The following TMEM132B variants were observed in gnomAD, a reference collection of about 807,000 sequenced individuals.
The protein encoded by TMEM132B is transmembrane protein 132B.
In TMEM132B, 18 loss-of-function variants were observed where a neutral mutation model predicts 90.8. That is an observed-to-expected ratio of 0.20 (90% CI 0.14 to 0.29). The LOEUF (loss-of-function observed/expected upper bound fraction) is 0.29. TMEM132B is among the 10% of genes least tolerant of loss of function. The pLI is 1.00. For missense variants in TMEM132B, 1,096 were observed against 1,326.8 expected, an observed-to-expected ratio of 0.83 and a Z score of 2.70; for synonymous variants, 504 against 523.3, an observed-to-expected ratio of 0.96 and a Z score of 0.50.
In TMEM132B at chr12:125,662,317, G is replaced by A. The variant is rs965222167; in HGVS notation, c.*7607G>A. On this transcript the variant is annotated 3_prime_UTR_variant, in exon 9 of 9. Transcript: ENST00000682704. The stretch of plus-strand genomic sequence containing the variant: ...GTTCCACCGTATATTTAATGTCTCT[G>A]TAAAGGCACTTCCAAACATTTTGAA... 6.6e-6 allele frequency: 1 copy of A among 152,146 alleles called. No homozygotes were observed. Among genetic ancestry groups the A allele is most frequent in the African/African-American group, 2.4e-5 (1 of 41,412 alleles). 9.4% of individuals were successfully genotyped at this position (152,146 alleles called of 1,614,324 possible).
At chr12:125,562,718 A>G (rs1884563628) in intron 4 of TMEM132B, among the ~76,000 whole-genome samples, 1 of 152,096 alleles carries the variant, frequency 6.6e-6, no homozygotes, top group African/African-American at 2.4e-5. Context: ...CATGGTAGTG[A>G]ATAAGTCTCA....
chr12:125,283,490 T>C (rs1015458089), intron 1 of TMEM132B, among the ~76,000 whole-genome samples: 33 of 152,072 alleles, frequency 2.2e-4, no homozygotes, highest in African/African-American at 7.7e-4. Flanking sequence ...CTGTCCTTGA[T>C]AAAGGAACAG....
chr12:125,312,144 G>A (rs977267742), intron 1 of TMEM132B, among the ~76,000 whole-genome samples: 5 of 152,222 alleles, frequency 3.3e-5, no homozygotes, highest in Non-Finnish European at 7.3e-5. Flanking sequence ...TTTTTCAAGA[G>A]AAGCTGGAAA....
chr12:125,546,072 TAAAG>T (rs1210516357), intron 4 of TMEM132B, among the ~76,000 whole-genome samples: 2 of 152,100 alleles, frequency 1.3e-5, no homozygotes, highest in Non-Finnish European at 2.9e-5. Context: ...ACCACTAAAA[TAAAG>T]AAACAGAACA....
At chr12:125,594,951 G>T (rs931673431) in intron 5 of TMEM132B, among the ~76,000 whole-genome samples, 4 of 152,078 alleles carry the variant, frequency 2.6e-5, no homozygotes, top group African/African-American at 9.7e-5. Context: ...GTTGAGCTCA[G>T]TGTTCTCAGG....
At chr12:125,190,119 T>G (rs1957788113) in intron 1 of TMEM132B, among the ~76,000 whole-genome samples, 1 of 152,058 alleles carries the variant, frequency 6.6e-6, no homozygotes, top group Non-Finnish European at 1.5e-5. Context: ...GAAGGAGACT[T>G]GGGCACAGGG....
rs1325064469 is a variant in TMEM132B at position 125,330,333 on chromosome 12, C to CTTTCTTT, written c.68-19116_68-19115insCTTTTTT. Among the ~76,000 whole-genome samples the CTTTCTTT allele has an allele frequency of 1.7e-3, 214 of 124,454 alleles. 2 individuals carry two copies. The highest frequency in any genetic ancestry group is 5.5e-3 in the African/African-American group (195 of 35,376). 81.6% of individuals were successfully genotyped at this position (124,454 alleles called of 152,430 possible). A position where few individuals can be genotyped will look rare whatever the true frequency, so the allele number is the denominator to read the frequency against. On this transcript the variant is annotated intron_variant, in intron 1 of 8. Coordinates refer to ENST00000682704, the MANE Select transcript of TMEM132B (RefSeq NM_001366854.1). Reference sequence around the variant, plus strand: ...TAGTCGTGCTTTGTTTAAGGGGTTTCTTTTTTTTTTTTTTTTTTGCAGCCA... The same window carrying CTTTCTTT: ...TAGTCGTGCTTTGTTTAAGGGGTTTCTTTCTTTTTTTTTTTTTTTTTTTTTGCAGCCA...
At chr12:125,404,805 A>G (rs1251235710) in intron 2 of TMEM132B, among the ~76,000 whole-genome samples, 2 of 152,192 alleles carry the variant, frequency 1.3e-5, no homozygotes, top group Non-Finnish European at 2.9e-5. Context: ...GGGTGTATCC[A>G]GCTCTGCTAG....
chr12:125,214,725 C>T (rs1194703518), intron 1 of TMEM132B, among the ~76,000 whole-genome samples: 1 of 152,218 alleles, frequency 6.6e-6, no homozygotes, highest in African/African-American at 2.4e-5. Context: ...TTCCCAGTTG[C>T]CCTCTCCCAG....
intron 1 of TMEM132B, among the ~76,000 whole-genome samples, chr12:125,302,122 C>A (rs1233912552): frequency 1.3e-5 from 2 of 152,086 alleles, no homozygotes; most frequent in Non-Finnish European, 2.9e-5. Flanking sequence ...ATTGCTTGAA[C>A]CTGGGAGGCG....
intron 5 of TMEM132B, among the ~76,000 whole-genome samples, chr12:125,608,420 T>A (rs1885748811): frequency 6.6e-6 from 1 of 152,192 alleles, no homozygotes; most frequent in African/African-American, 2.4e-5. Context: ...AAAATTGAAT[T>A]ATCTTTTCAT....
rs140349780 is a variant in TMEM132B, at chr12:125,246,177, T to C, written c.67+59311T>C. Among the ~76,000 whole-genome samples the C allele has an allele frequency of 6.6e-6, 1 of 152,304 alleles. No individual in the cohort carries two copies. The highest frequency in any genetic ancestry group is 2.4e-5 in the African/African-American group (1 of 41,576). ...TCATGACAGTGATAGCTCTCAGTAT[T>C]GACTGGACTGGAGGTCGCTCTGTGC... On this transcript the variant is annotated intron_variant, in intron 1 of 8. Coordinates refer to ENST00000682704, the MANE Select transcript of TMEM132B (RefSeq NM_001366854.1). The surrounding 1 kb of genome is among the most constrained non-coding windows in gnomAD (Gnocchi z 4.2).
At chr12:125,353,833 G>C (rs910143699) in intron 2 of TMEM132B, among the ~76,000 whole-genome samples, 2 of 152,140 alleles carry the variant, frequency 1.3e-5, no homozygotes, top group African/African-American at 4.8e-5. Context: ...GACTAGAAGA[G>C]GACTCAACAT....
intron 1 of TMEM132B, among the ~76,000 whole-genome samples, chr12:125,313,127 C>T (rs1876161488): frequency 6.6e-6 from 1 of 152,176 alleles, no homozygotes; most frequent in South Asian, 2.1e-4. Flanking sequence ...GCTGCCTAAC[C>T]TTTCTGTGCC....
intron 1 of TMEM132B, among the ~76,000 whole-genome samples, chr12:125,238,933 C>T (rs753596674): frequency 1.3e-5 from 2 of 152,014 alleles, no homozygotes; most frequent in African/African-American, 4.8e-5. Flanking sequence ...TCTGATGTGG[C>T]GCCTGGAATA....
chr12:125,479,418 T>C (rs1232291116), intron 3 of TMEM132B, among the ~76,000 whole-genome samples: 7 of 152,196 alleles, frequency 4.6e-5, no homozygotes, highest in African/African-American at 1.7e-4. Flanking sequence ...TGGAGGAAGA[T>C]CTACTAAGCA....
intron 3 of TMEM132B, among the ~76,000 whole-genome samples, chr12:125,439,361 T>C (rs1880799109): frequency 6.6e-6 from 1 of 152,200 alleles, no homozygotes; most frequent in Non-Finnish European, 1.5e-5. Context: ...TGTTTTGTAA[T>C]TCTCATTGTA....
intron 1 of TMEM132B, among the ~76,000 whole-genome samples, chr12:125,310,172 G>T (rs1012910537): frequency 6.6e-6 from 1 of 152,146 alleles, no homozygotes; most frequent in African/African-American, 2.4e-5. Flanking sequence ...AGGGACATTG[G>T]CCCATCCCTG....
chr12:125,350,032 G>A lies in TMEM132B; in HGVS notation c.648G>A (p.Gly216=), dbSNP rs755401717. 8 of 1,614,074 alleles carry A rather than the reference G, an allele frequency of 5.0e-6. No homozygotes were observed. In the African/African-American group the frequency reaches 1.1e-4, roughly 22 times the overall value. The change falls in exon 2 of 9, where the codon GGG becomes GGA. Residue 216 remains glycine, a synonymous_variant. Transcript: ENST00000682704. ...AGGAGGAGATCCCAGCCCTGCTCGGGGGCACCACGATGGAGCTCTTCTTCA... is the reference window on the plus strand; with the variant it reads ...AGGAGGAGATCCCAGCCCTGCTCGGAGGCACCACGATGGAGCTCTTCTTCA... The part of the protein sequence containing the change: ...EPEEEIPALL[G]GTTMELFFTL...
Sources: gnomAD v4.1 joint callset for allele counts (sites outside exome capture counted in the v4.1 genomes callset) on GRCh38, gnomAD v4.1.1 for gene constraint, Gnocchi (gnomAD v3.1) non-coding constraint, MANE v1.5 for transcripts, NCBI Gene and HGNC (gene_info 2026-07-23, HGNC 2026-07-21) for gene names.